Variants in CDH12 observed in about 807,000 individuals in gnomAD.
CDH12 encodes cadherin-12.
Under a neutral mutation model 74.1 loss-of-function variants are expected in CDH12, and 41 were observed. That is an observed-to-expected ratio of 0.55 (90% CI 0.43 to 0.72). The LOEUF is 0.72. Ranked by LOEUF, CDH12 falls within the 30% of genes least tolerant of loss-of-function variation. CDH12 has a pLI of 0.00. For synonymous variants in CDH12, 399 were observed against 355.0 expected (o/e 1.12, Z -1.39); for missense variants, 945 against 977.2 (o/e 0.97, Z 0.44).
chr5:22,582,070 A>G (rs1280049921), intron 1 of CDH12, among the ~76,000 whole-genome samples: 1 of 152,056 alleles, frequency 6.6e-6, no homozygotes, highest in Non-Finnish European at 1.5e-5. Context: ...ATGTTTGTCT[A>G]CCCTCTGGCC....
intron 7 of CDH12, among the ~76,000 whole-genome samples, chr5:21,845,458 C>T (rs1750112844): frequency 1.3e-5 from 2 of 152,068 alleles, no homozygotes; most frequent in African/African-American, 4.8e-5. Context: ...TCCACTGAGT[C>T]CCTAACCTTC....
chr5:22,675,967 T>C (rs879384054), intron 1 of CDH12, among the ~76,000 whole-genome samples: 1 of 149,416 alleles, frequency 6.7e-6, no homozygotes, highest in Non-Finnish European at 1.5e-5. Flanking sequence ...ACTTTAGAAA[T>C]ATCTTCAGAT....
intron 2 of CDH12, among the ~76,000 whole-genome samples, chr5:22,451,632 G>A (rs1019745738): frequency 8.6e-5 from 13 of 151,890 alleles, no homozygotes; most frequent in African/African-American, 2.9e-4. Flanking sequence ...AAAGTTGAAC[G>A]TTTTTCTATA....
chr5:21,873,696 G>T (rs1220559855), intron 6 of CDH12, among the ~76,000 whole-genome samples: 2 of 152,138 alleles, frequency 1.3e-5, no homozygotes, highest in African/African-American at 4.8e-5. Flanking sequence ...ATAGGTAAAC[G>T]TGTGCCATGG....
At chr5:22,558,252 AC>A (rs1311583208) in intron 1 of CDH12, among the ~76,000 whole-genome samples, 1 of 152,020 alleles carries the variant, frequency 6.6e-6, no homozygotes, top group Non-Finnish European at 1.5e-5. Context: ...TGGAAATGGT[AC>A]TCTATGGAGA....
chr5:22,847,908 G>A (rs1210885104), intron 1 of CDH12, among the ~76,000 whole-genome samples: 18 of 149,422 alleles, frequency 1.2e-4, no homozygotes, highest in Admixed American at 2.0e-4. Flanking sequence ...TTGTGAGACC[G>A]AGTCTCACTC....
At chr5:22,402,047 T>C (rs990229483) in intron 3 of CDH12, among the ~76,000 whole-genome samples, 1 of 152,216 alleles carries the variant, frequency 6.6e-6, no homozygotes, top group Non-Finnish European at 1.5e-5. Context: ...ATTTTTGTTG[T>C]TTTAAATCAC....
At chr5:22,267,066 G>A (rs954564186) in intron 3 of CDH12, among the ~76,000 whole-genome samples, 1 of 152,026 alleles carries the variant, frequency 6.6e-6, no homozygotes, top group South Asian at 2.1e-4. Flanking sequence ...TTATACTTTG[G>A]AAATGTTAAT....
At chr5:22,376,855 C>T (rs1180108314) in intron 3 of CDH12, among the ~76,000 whole-genome samples, 1 of 151,598 alleles carries the variant, frequency 6.6e-6, no homozygotes, top group Non-Finnish European at 1.5e-5. Flanking sequence ...ACATGTACCC[C>T]ATAAGTATGT....
chr5:22,538,324 C>A (rs1467490864), intron 1 of CDH12, among the ~76,000 whole-genome samples: 2 of 152,302 alleles, frequency 1.3e-5, no homozygotes, highest in South Asian at 2.1e-4. Context: ...ATTTCTCAGG[C>A]AAATTCTTCA....
chr5:22,605,552 G>C (rs893027084), intron 1 of CDH12, among the ~76,000 whole-genome samples: 2 of 152,164 alleles, frequency 1.3e-5, no homozygotes, highest in African/African-American at 2.4e-5. Flanking sequence ...CTGAAGGTTG[G>C]GCTAATCCCA....
chr5:22,772,696 AG>A (rs1381581711), intron 1 of CDH12, among the ~76,000 whole-genome samples: 1 of 152,118 alleles, frequency 6.6e-6, no homozygotes, highest in Non-Finnish European at 1.5e-5. Flanking sequence ...ATTTTACGCA[AG>A]GTATGCAGAA....
intron 3 of CDH12, among the ~76,000 whole-genome samples, chr5:22,339,648 G>C (rs113795911): frequency 0.013 from 1,959 of 152,196 alleles, 24 homozygotes; most frequent in Middle Eastern, 0.02. Context: ...CTACAAAAGG[G>C]ATAATCTAGC....
chr5:21,849,658 C>G (rs1410803897), intron 7 of CDH12, among the ~76,000 whole-genome samples: 1 of 151,716 alleles, frequency 6.6e-6, no homozygotes, highest in East Asian at 1.9e-4. Flanking sequence ...GGAAAAGACT[C>G]TTTTATTTTG....
chr5:22,427,817 T>C (rs1417134660), intron 2 of CDH12, among the ~76,000 whole-genome samples: 21 of 152,156 alleles, frequency 1.4e-4, no homozygotes, highest in Admixed American at 1.4e-3. Context: ...TATCGAAGGT[T>C]CCCAAGCTGT....
At chr5:22,506,030 A>G (rs1275257311) in intron 1 of CDH12, among the ~76,000 whole-genome samples, 1 of 152,020 alleles carries the variant, frequency 6.6e-6, no homozygotes, top group Non-Finnish European at 1.5e-5. Context: ...TGGAGTCCTT[A>G]TTGCTGTTGA....
chr5:21,879,543 C>T (rs1044807716), intron 6 of CDH12, among the ~76,000 whole-genome samples: 1 of 152,188 alleles, frequency 6.6e-6, no homozygotes, highest in African/African-American at 2.4e-5. Flanking sequence ...AAAGCTACGG[C>T]TCTTAATCAA....
intron 2 of CDH12, among the ~76,000 whole-genome samples, chr5:22,483,763 T>TATATATAA (rs902754630): frequency 1.1e-5 from 1 of 91,838 alleles, no homozygotes; most frequent in African/African-American, 4.4e-5. Context: ...TATATATATA[T>TATATATAA]AAATTTAATT....
chr5:22,506,918 G>T (rs1440042207), intron 1 of CDH12, among the ~76,000 whole-genome samples: 2 of 151,878 alleles, frequency 1.3e-5, no homozygotes, highest in African/African-American at 2.4e-5. Flanking sequence ...AGCATTTTGG[G>T]TGCAATAGAG....
Sources: gnomAD v4.1 joint callset for allele counts (sites outside exome capture counted in the v4.1 genomes callset) on GRCh38, gnomAD v4.1.1 for gene constraint, MANE v1.5 for transcripts, NCBI Gene and HGNC (gene_info 2026-07-23, HGNC 2026-07-21) for gene names.